Variants in LGR5 observed in about 807,000 individuals in gnomAD.
The protein encoded by LGR5 is leucine-rich repeat-containing G protein-coupled receptor 5.
Under a neutral mutation model 76.7 loss-of-function variants are expected in LGR5, and 54 were observed. The ratio of observed to expected loss-of-function variants is 0.70; its 90% CI spans 0.57 to 0.88. The LOEUF is 0.88. Among genes scored for constraint, LGR5 ranks in the 40% least tolerant of loss-of-function variants. The pLI is 0.00. For missense variants in LGR5, 1,078 were observed against 1,073.3 expected (o/e 1.00, Z -0.06); for synonymous variants, 406 against 421.9 (o/e 0.96, Z 0.46).
intron 1 of LGR5, among the ~76,000 whole-genome samples, chr12:71,464,347 T>G (rs1872781594): frequency 1.3e-5 from 2 of 152,210 alleles, no homozygotes; most frequent in African/African-American, 2.4e-5. Context: ...AATCTTTGTA[T>G]GTCCACATAT....
In LGR5 at chr12:71,569,778, T is replaced by C. The variant is rs963529898; in HGVS notation, c.1071-1736T>C. ...TTCCTTAAATATTTAGAACCAGAAATACCATTTGACCCAGCAATCCCATAA... is the reference window on the plus strand; with the variant it reads ...TTCCTTAAATATTTAGAACCAGAAACACCATTTGACCCAGCAATCCCATAA... On this transcript the variant is annotated intron_variant, in intron 11 of 17. Transcript: ENST00000266674. Among the ~76,000 whole-genome samples, 3 of 152,114 alleles carry C rather than the reference T, an allele frequency of 2.0e-5. No individual in the cohort carries two copies. The East Asian group carries it at 5.8e-4, about 29-fold the overall frequency.
chr12:71,527,980 G>C (rs1565722829), intron 3 of LGR5, among the ~76,000 whole-genome samples: 1 of 152,066 alleles, frequency 6.6e-6, no homozygotes, highest in East Asian at 1.9e-4. Context: ...CTATAAATCA[G>C]TACTTTAATG....
At chr12:71,503,129 CTG>C (rs1874686559) in intron 1 of LGR5, among the ~76,000 whole-genome samples, 1 of 151,622 alleles carries the variant, frequency 6.6e-6, no homozygotes, top group African/African-American at 2.4e-5. Context: ...TCTATAATCA[CTG>C]TGAGGAATCC....
Position 71,584,434 on chromosome 12 carries a change from A to T in LGR5, c.2424A>T (p.Val808=). 1 of 1,614,032 alleles carries T rather than the reference A, an allele frequency of 6.2e-7. No individual in the cohort carries two copies. Among genetic ancestry groups the T allele is most frequent in the Non-Finnish European group, 8.5e-7 (1 of 1,179,882 alleles). Residue 808 remains valine (V), a synonymous_variant, in exon 18 of 18, where the codon GTA becomes GTT. Transcript: ENST00000266674. The stretch of plus-strand genomic sequence containing the variant: ...TAATTAAGTTTATCCTTCTGGTGGT[A>T]GTCCCACTTCCTGCATGTCTCAATC... ...PEVIKFILLV[V]VPLPACLNPL...
rs767905476 is a variant in LGR5, at chr12:71,583,777, T to C, written c.1767T>C (p.Ile589=). 4.3e-6 allele frequency: 7 copies of C among 1,614,134 alleles called. No homozygotes were observed. The highest frequency in any genetic ancestry group is 5.9e-6 in the Non-Finnish European group (7 of 1,180,014). ...TSTVFRSPLY[I]SPIKLLIGVI... Reference sequence around the variant, plus strand: ...CAGTTTTCAGATCCCCTCTGTACATTTCCCCCATTAAACTGTTAATTGGGG... The same window carrying C: ...CAGTTTTCAGATCCCCTCTGTACATCTCCCCCATTAAACTGTTAATTGGGG... Residue 589 remains isoleucine (I), a synonymous_variant, in exon 18 of 18, where the codon ATT becomes ATC. Transcript: ENST00000266674.
At chr12:71,519,162 T>G (rs1592508310) in intron 2 of LGR5, among the ~76,000 whole-genome samples, 1 of 152,230 alleles carries the variant, frequency 6.6e-6, no homozygotes, top group East Asian at 1.9e-4. Flanking sequence ...CATGCTCGCC[T>G]CCTTGCAGCT....
chr12:71,459,786 G>C (rs1872618988), intron 1 of LGR5, among the ~76,000 whole-genome samples: 1 of 151,686 alleles, frequency 6.6e-6, no homozygotes, highest in South Asian at 2.1e-4. Context: ...CAAATTATTT[G>C]TACTGATAAT....
At chr12:71,444,976 A>T (rs769221195) in intron 1 of LGR5, among the ~76,000 whole-genome samples, 33 of 152,292 alleles carry the variant, frequency 2.2e-4, no homozygotes, top group Middle Eastern at 3.4e-3. Context: ...AAATTCATGG[A>T]TTTAAGTCAT....
At chr12:71,518,325 C>G (rs972277029) in intron 2 of LGR5, among the ~76,000 whole-genome samples, 4 of 152,070 alleles carry the variant, frequency 2.6e-5, no homozygotes, top group Middle Eastern at 6.8e-3. Flanking sequence ...AGTCAGAATG[C>G]CTGTAATTAA....
intron 1 of LGR5, among the ~76,000 whole-genome samples, chr12:71,467,477 T>C (rs890147605): frequency 1.3e-5 from 2 of 152,188 alleles, no homozygotes; most frequent in Non-Finnish European, 2.9e-5. Context: ...AACATCTGCA[T>C]CAGGAATGGC....
intron 6 of LGR5, among the ~76,000 whole-genome samples, chr12:71,557,090 T>C (rs1055753144): frequency 1.2e-4 from 19 of 152,126 alleles, no homozygotes; most frequent in Admixed American, 1.2e-3. Flanking sequence ...GGCATCTCTT[T>C]AGGAAACAGT....
intron 4 of LGR5, among the ~76,000 whole-genome samples, chr12:71,535,976 C>T (rs1025935451): frequency 6.6e-6 from 1 of 152,210 alleles, no homozygotes; most frequent in Non-Finnish European, 1.5e-5. Flanking sequence ...GTAGTGATTA[C>T]TTGGCAAGTC....
At chr12:71,448,566 G>A (rs918733550) in intron 1 of LGR5, 9 of 152,152 alleles carry the variant, frequency 5.9e-5, no homozygotes, top group African/African-American at 1.9e-4. Flanking sequence ...AAATTTTCTC[G>A]TGAGGCACTT....
At chr12:71,573,638 T>C (rs1878716280) in intron 13 of LGR5, among the ~76,000 whole-genome samples, 1 of 152,242 alleles carries the variant, frequency 6.6e-6, no homozygotes, top group Non-Finnish European at 1.5e-5. Flanking sequence ...TGATAGGTAA[T>C]GTTTAAACTA....
At chr12:71,556,041 C>A (rs1026978655) in intron 5 of LGR5, among the ~76,000 whole-genome samples, 3 of 152,050 alleles carry the variant, frequency 2.0e-5, no homozygotes, top group Non-Finnish European at 2.9e-5. Flanking sequence ...GGATGGAGGC[C>A]ATTATCCTTA....
intron 1 of LGR5, among the ~76,000 whole-genome samples, chr12:71,498,869 C>T (rs990043497): frequency 5.9e-5 from 9 of 152,156 alleles, no homozygotes; most frequent in African/African-American, 1.7e-4. Context: ...AGTAAGAGGA[C>T]AGGTGCCCCA....
intron 4 of LGR5, among the ~76,000 whole-genome samples, chr12:71,552,222 G>T (rs1490388658): frequency 4.6e-5 from 7 of 151,962 alleles, no homozygotes. Context: ...TGCATGTTCT[G>T]CACGTGTATC....
In LGR5 at chr12:71,572,939, G is replaced by C. The variant is rs752818845; in HGVS notation, c.1208+18G>C. 1.0e-4 allele frequency: 166 copies of C among 1,594,760 alleles called. No individual in the cohort carries two copies. Among genetic ancestry groups the C allele is most frequent in the Non-Finnish European group, 1.3e-4 (154 of 1,162,542 alleles). On this transcript the variant is annotated intron_variant, in intron 13 of 17. Transcript: ENST00000266674. Reference sequence around the variant, plus strand: ...CGATCGCTGTGAGTATCACCTCCCAGTGCGTTCCCCAGCACAGAGCATTTT... The same window carrying C: ...CGATCGCTGTGAGTATCACCTCCCACTGCGTTCCCCAGCACAGAGCATTTT...
At position 71,551,530 on chromosome 12, in the gene LGR5, C is replaced by G. The variant is rs372945961; in HGVS notation, c.429-1543C>G. On this transcript the variant is annotated intron_variant, in intron 4 of 17. Transcript: ENST00000266674. ...CTACCTTTGAAAATGCAAATGTGTGCGTCTTAAAAGCAGATTGGGAAAAAA... is the reference window on the plus strand; with the variant it reads ...CTACCTTTGAAAATGCAAATGTGTGGGTCTTAAAAGCAGATTGGGAAAAAA... Among the ~76,000 whole-genome samples the G allele has an allele frequency of 5.3e-5, 8 of 152,068 alleles. No homozygotes were observed. The East Asian group carries it at 1.4e-3, about 26-fold the overall frequency.
Sources: gnomAD v4.1 joint callset for allele counts (sites outside exome capture counted in the v4.1 genomes callset) on GRCh38, gnomAD v4.1.1 for gene constraint, MANE v1.5 for transcripts, NCBI Gene and HGNC (gene_info 2026-07-23, HGNC 2026-07-21) for gene names.